GRIP1: variants seen among roughly 807,000 people sequenced by gnomAD.
The protein encoded by GRIP1 is glutamate receptor interacting protein 1, also known as glutamate receptor-interacting protein 1.
Under a neutral mutation model 129.9 loss-of-function variants are expected in GRIP1, and 45 were observed. The ratio of observed to expected loss-of-function variants is 0.35; its 90% CI spans 0.27 to 0.44. GRIP1 has a LOEUF of 0.44. Ranked by LOEUF, GRIP1 falls within the 20% of genes least tolerant of loss-of-function variation. GRIP1 has a pLI of 1.00. For missense variants in GRIP1, 1,196 were observed against 1,396.8 expected (o/e 0.86, Z 2.29); for synonymous variants, 530 against 520.8 (o/e 1.02, Z -0.24).
intron 1 of GRIP1, among the ~76,000 whole-genome samples, chr12:66,787,477 C>T (rs577989712): frequency 6.6e-6 from 1 of 152,272 alleles, no homozygotes; most frequent in Admixed American, 6.5e-5. Flanking sequence ...TGTGCCCCCT[C>T]CCCTGCAAAT....
intron 15 of GRIP1, among the ~76,000 whole-genome samples, chr12:66,408,781 G>A (rs2057287675): frequency 6.6e-6 from 1 of 152,202 alleles, no homozygotes; most frequent in Middle Eastern, 3.2e-3. Context: ...CCTGCTCTGG[G>A]ACAGAGGGGA....
intron 1 of GRIP1, among the ~76,000 whole-genome samples, chr12:67,034,576 C>T (rs1482015475): frequency 1.3e-5 from 2 of 152,206 alleles, no homozygotes; most frequent in Non-Finnish European, 2.9e-5. Flanking sequence ...ATGTAAGGCA[C>T]TTGCCATGAA....
At chr12:66,565,899 G>A (rs1353301033) in intron 2 of GRIP1, among the ~76,000 whole-genome samples, 1 of 152,042 alleles carries the variant, frequency 6.6e-6, no homozygotes, top group East Asian at 1.9e-4. Context: ...TGTGAATGGG[G>A]GTTCACTCAT....
At chr12:66,446,094 G>GCCCCCCCCCCCCCCC (rs1555185775) in intron 11 of GRIP1, among the ~76,000 whole-genome samples, 28 of 140,396 alleles carry the variant, frequency 2.0e-4, no homozygotes, top group African/African-American at 3.2e-4. Flanking sequence ...CATTCCTCCT[G>GCCCCCCCCCCCCCCC]CCGCCCCCCA....
chr12:66,535,747 A>C (rs2061586169), intron 4 of GRIP1, among the ~76,000 whole-genome samples: 2 of 152,222 alleles, frequency 1.3e-5, no homozygotes, highest in African/African-American at 4.8e-5. Flanking sequence ...GTTAGACTTT[A>C]TGTGAAGAAT....
chr12:66,570,603 T>C (rs2062927986), intron 2 of GRIP1, among the ~76,000 whole-genome samples: 1 of 152,122 alleles, frequency 6.6e-6, no homozygotes, highest in African/African-American at 2.4e-5. Context: ...GCTTTAGCAT[T>C]CTCTAAGTCT....
chr12:66,567,150 T>G (rs1420420973), intron 2 of GRIP1, among the ~76,000 whole-genome samples: 1 of 152,222 alleles, frequency 6.6e-6, no homozygotes, highest in Non-Finnish European at 1.5e-5. Context: ...TCTTAGTTAT[T>G]TCTTGCCTTC....
intron 1 of GRIP1, among the ~76,000 whole-genome samples, chr12:66,885,897 G>T (rs903839185): frequency 2.0e-5 from 3 of 152,154 alleles, no homozygotes; most frequent in East Asian, 1.9e-4. Flanking sequence ...TGGAATTCAG[G>T]TATACAAAAA....
rs200723950 is a variant in GRIP1 at position 66,909,652 on chromosome 12, T to C, written c.58+159398A>G. Among the ~76,000 whole-genome samples the C allele has an allele frequency of 1.1e-3, 174 of 152,340 alleles. 1 individual carries two copies. The highest frequency in any genetic ancestry group is 1.6e-3 in the Non-Finnish European group (112 of 68,034). On this transcript the variant is annotated intron_variant, in intron 1 of 1. Coordinates refer to the GRIP1 transcript ENST00000643019. ...CCTCATTGAGTTACATAAGTAATTA[T>C]ATGAAAGCTGCTGTAATGGAGGTAG...
chr12:66,479,551 T>A (rs12322827), intron 7 of GRIP1, among the ~76,000 whole-genome samples: 1 of 151,954 alleles, frequency 6.6e-6, no homozygotes, highest in African/African-American at 2.4e-5. Context: ...AAAGAGGGAC[T>A]CCTCCCTAAC....
intron 23 of GRIP1, among the ~76,000 whole-genome samples, chr12:66,360,008 C>T (rs2054672591): frequency 6.6e-6 from 1 of 152,138 alleles, no homozygotes; most frequent in East Asian, 1.9e-4. Flanking sequence ...CATATGATTG[C>T]TTTTGATCTT....
chr12:66,833,925 T>C (rs2039563147), intron 1 of GRIP1, among the ~76,000 whole-genome samples: 1 of 152,068 alleles, frequency 6.6e-6, no homozygotes, highest in Admixed American at 6.5e-5. Context: ...ATCCCAGCAC[T>C]TTGGAAGGCC....
intron 1 of GRIP1, among the ~76,000 whole-genome samples, chr12:66,629,816 T>C (rs973925629): frequency 6.6e-6 from 1 of 152,176 alleles, no homozygotes; most frequent in Non-Finnish European, 1.5e-5. Flanking sequence ...CATTCCCATG[T>C]TGAAATTTTG....
chr12:67,053,946 G>C (rs1335808496), intron 1 of GRIP1, among the ~76,000 whole-genome samples: 1 of 152,136 alleles, frequency 6.6e-6, no homozygotes. Flanking sequence ...TGAAAATTTA[G>C]ACATTAAAAG....
At chr12:66,969,137 C>G (rs1045142589) in intron 1 of GRIP1, among the ~76,000 whole-genome samples, 4 of 152,116 alleles carry the variant, frequency 2.6e-5, no homozygotes, top group Non-Finnish European at 5.9e-5. Flanking sequence ...CCCAGGGCTT[C>G]TTTCAAGATT....
intron 16 of GRIP1, among the ~76,000 whole-genome samples, chr12:66,396,947 C>T (rs2056812641): frequency 6.6e-6 from 1 of 151,066 alleles, no homozygotes; most frequent in Non-Finnish European, 1.5e-5. Flanking sequence ...CCCGTCTTAA[C>T]TAAAAATACA....
intron 7 of GRIP1, among the ~76,000 whole-genome samples, chr12:66,493,619 A>AGAG (rs1248335938): frequency 2.2e-5 from 2 of 89,914 alleles, no homozygotes; most frequent in African/African-American, 1.2e-4. Context: ...TCCTAAAGAA[A>AGAG]GAGCCAAATA....
At chr12:66,812,194 C>T (rs754380230) in intron 1 of GRIP1, among the ~76,000 whole-genome samples, 5 of 152,218 alleles carry the variant, frequency 3.3e-5, no homozygotes, top group Admixed American at 6.5e-5. Context: ...AATGGAGTGG[C>T]GCAATCTTGG....
Position 66,932,861 on chromosome 12 carries a change from G to T in GRIP1, c.58+136189C>A, listed in dbSNP as rs558949065. On this transcript the variant is annotated intron_variant, in intron 1 of 1. Coordinates refer to the GRIP1 transcript ENST00000643019. ...TTTTTGTGTTTTTACTAGAGACAGGGTTTCACCATCTTGGCCAGGCTAGTC... is the reference window on the plus strand; with the variant it reads ...TTTTTGTGTTTTTACTAGAGACAGGTTTTCACCATCTTGGCCAGGCTAGTC... 8.5e-5 allele frequency among the ~76,000 whole-genome samples: 13 copies of T among 152,088 alleles called. No homozygotes were observed. The East Asian group carries it at 2.3e-3, about 27-fold the overall frequency.
Sources: allele counts gnomAD v4.1 joint callset (sites outside exome capture counted in the v4.1 genomes callset), GRCh38; gene constraint gnomAD v4.1.1; transcripts MANE v1.5; gene names NCBI Gene and HGNC (gene_info 2026-07-23, HGNC 2026-07-21).